ATP10A: variants seen among roughly 807,000 people sequenced by gnomAD.
The protein encoded by ATP10A is phospholipid-transporting ATPase VA.
Under a neutral mutation model 147.8 loss-of-function variants are expected in ATP10A, and 111 were observed. That is an observed-to-expected ratio of 0.75 (90% CI 0.64 to 0.88). ATP10A has a LOEUF of 0.88. Among genes scored for constraint, ATP10A ranks in the 40% least tolerant of loss-of-function variants. The pLI is 0.00. For missense variants in ATP10A, 1,927 were observed against 1,959.0 expected, an observed-to-expected ratio of 0.98 and a Z score of 0.31; for synonymous variants, 875 against 841.6, an observed-to-expected ratio of 1.04 and a Z score of -0.69.
intron 1 of ATP10A, among the ~76,000 whole-genome samples, chr15:25,781,742 ATATTG>A (rs1889937121): frequency 6.6e-6 from 1 of 152,240 alleles, no homozygotes; most frequent in African/African-American, 2.4e-5. Context: ...TAAAGGCCAC[ATATTG>A]TATGACTCCA....
chr15:25,817,988 G>A (rs2140837189), intron 1 of ATP10A, among the ~76,000 whole-genome samples: 1 of 145,738 alleles, frequency 6.9e-6, no homozygotes, highest in East Asian at 2.0e-4. Context: ...TTTTTGGCTG[G>A]TCAGATGGTA....
intron 1 of ATP10A, among the ~76,000 whole-genome samples, chr15:25,784,247 C>T (rs939908582): frequency 1.3e-4 from 20 of 152,134 alleles, no homozygotes; most frequent in Middle Eastern, 3.2e-3. Flanking sequence ...GCCCAAGCAT[C>T]GGCGGGGCAG....
intron 1 of ATP10A, among the ~76,000 whole-genome samples, chr15:25,797,308 A>G (rs899523792): frequency 3.3e-5 from 5 of 152,070 alleles, no homozygotes; most frequent in Non-Finnish European, 7.4e-5. Flanking sequence ...TGGAAATGTA[A>G]TTTTTTCAGA....
intron 1 of ATP10A, among the ~76,000 whole-genome samples, chr15:25,845,277 G>A (rs1452376846): frequency 1.3e-5 from 2 of 152,232 alleles, no homozygotes; most frequent in East Asian, 3.9e-4. Context: ...AGAAGACCAA[G>A]TGAAGCCTTC....
At chr15:25,749,353 G>C (rs1160057612) in intron 2 of ATP10A, among the ~76,000 whole-genome samples, 1 of 152,164 alleles carries the variant, frequency 6.6e-6, no homozygotes, top group East Asian at 1.9e-4. Flanking sequence ...GAAATAGAGG[G>C]AACTGTGTTC....
At position 25,695,143 on chromosome 15, in the gene ATP10A, C is replaced by A. The variant is rs918700400; in HGVS notation, c.2764G>T (p.Ala922Ser). 1.9e-6 allele frequency: 3 copies of A among 1,608,570 alleles called. No homozygotes were observed. Among genetic ancestry groups the A allele is most frequent in the Non-Finnish European group, 2.6e-6 (3 of 1,176,344 alleles). ...CACTGGTCTAGCAGGGCTGCACACG[C>A]CTCCTGAAAGGGACATGAGAGGACA... ...VITLNATSQE[A>S]CAALLDQCLC... Residue 922 changes from alanine to serine, a missense_variant, in exon 14 of 21, where the codon GCG (alanine) becomes TCG (serine). Coordinates refer to ENST00000555815, the MANE Select transcript of ATP10A (RefSeq NM_024490.4).
At chr15:25,820,972 G>A (rs550511454) in intron 1 of ATP10A, among the ~76,000 whole-genome samples, 1 of 152,254 alleles carries the variant, frequency 6.6e-6, no homozygotes, top group South Asian at 2.1e-4. Flanking sequence ...AAAATTGAAA[G>A]TAATGATAAA....
At chr15:25,844,221 C>T (rs566856685) in intron 1 of ATP10A, among the ~76,000 whole-genome samples, 1 of 152,254 alleles carries the variant, frequency 6.6e-6, no homozygotes, top group East Asian at 1.9e-4. Context: ...TTCATAAAGA[C>T]GAGGGGAGAA....
chr15:25,711,627 A>G (rs1441626071), intron 10 of ATP10A, among the ~76,000 whole-genome samples: 1 of 152,170 alleles, frequency 6.6e-6, no homozygotes, highest in Non-Finnish European at 1.5e-5. Flanking sequence ...GCGGAGATCA[A>G]CACAAGCCCT....
At chr15:25,682,365 C>T (rs1228103545) in intron 17 of ATP10A, among the ~76,000 whole-genome samples, 1 of 152,096 alleles carries the variant, frequency 6.6e-6, no homozygotes, top group African/African-American at 2.4e-5. Flanking sequence ...CTCTATTACC[C>T]GGGTGACCAA....
At chr15:25,778,258 C>T (rs1417895872) in intron 2 of ATP10A, among the ~76,000 whole-genome samples, 2 of 152,124 alleles carry the variant, frequency 1.3e-5, no homozygotes, top group African/African-American at 4.8e-5. Context: ...AGTCAGTGTA[C>T]AGATTATTAC....
At chr15:25,750,338 G>C (rs1237098256) in intron 2 of ATP10A, among the ~76,000 whole-genome samples, 1 of 151,822 alleles carries the variant, frequency 6.6e-6, no homozygotes. Context: ...TCTATACCCA[G>C]TAAAGATATT....
At chr15:25,791,155 A>G (rs1476112349) in intron 1 of ATP10A, among the ~76,000 whole-genome samples, 2 of 135,272 alleles carry the variant, frequency 1.5e-5, no homozygotes, top group East Asian at 4.3e-4. Flanking sequence ...ATCTCGACTC[A>G]CTGCAACCTC....
intron 14 of ATP10A, among the ~76,000 whole-genome samples, chr15:25,692,049 G>A (rs1900069032): frequency 6.6e-6 from 1 of 152,130 alleles, no homozygotes; most frequent in Admixed American, 6.5e-5. Context: ...GCTCTGCAGT[G>A]CCGCTCTTAC....
intron 1 of ATP10A, among the ~76,000 whole-genome samples, chr15:25,803,004 A>G (rs1372739242): frequency 6.6e-6 from 1 of 152,190 alleles, no homozygotes; most frequent in Admixed American, 6.5e-5. Context: ...CTGCTGTTTT[A>G]GGGGTTTTGC....
chr15:25,696,580 G>A (rs1027826577), intron 13 of ATP10A, among the ~76,000 whole-genome samples: 3 of 152,210 alleles, frequency 2.0e-5, no homozygotes, highest in African/African-American at 4.8e-5. Flanking sequence ...AGTAGCAGCC[G>A]ATGGACCGGG....
chr15:25,696,033 CA>C (rs1331441281), intron 13 of ATP10A, among the ~76,000 whole-genome samples: 9 of 152,000 alleles, frequency 5.9e-5, no homozygotes, highest in Non-Finnish European at 1.0e-4. Context: ...CACTAGGGAT[CA>C]GGGGCAGGAG....
intron 1 of ATP10A, among the ~76,000 whole-genome samples, chr15:25,788,924 T>C (rs1232590955): frequency 6.6e-6 from 1 of 152,212 alleles, no homozygotes; most frequent in Admixed American, 6.5e-5. Context: ...GGATGCTTTG[T>C]GCCTTATAGA....
intron 2 of ATP10A, among the ~76,000 whole-genome samples, chr15:25,776,468 T>C (rs1337616935): frequency 1.3e-5 from 2 of 152,240 alleles, no homozygotes; most frequent in African/African-American, 4.8e-5. Flanking sequence ...AAATGTTTGC[T>C]CTACTACAGT....
Sources: gnomAD v4.1 joint callset for allele counts (sites outside exome capture counted in the v4.1 genomes callset) on GRCh38, gnomAD v4.1.1 for gene constraint, MANE v1.5 for transcripts, NCBI Gene and HGNC (gene_info 2026-07-23, HGNC 2026-07-21) for gene names.